Variants in CSMD2 observed in about 807,000 individuals in gnomAD.
CSMD2 encodes CUB and sushi domain-containing protein 2.
Under a neutral mutation model 398.5 loss-of-function variants are expected in CSMD2, and 130 were observed. That is an observed-to-expected ratio of 0.33 (90% CI 0.28 to 0.38). CSMD2 has a LOEUF of 0.38. Among genes scored for constraint, CSMD2 ranks in the 10% least tolerant of loss-of-function variants. CSMD2 has a pLI of 1.00. For synonymous variants in CSMD2, 1,828 were observed against 1,908.5 expected (o/e 0.96, Z 1.10); for missense variants, 3,829 against 4,764.9 (o/e 0.80, Z 5.78).
chr1:33,572,655 C>T lies in CSMD2; in HGVS notation c.7613G>A (p.Gly2538Glu). The T allele has an allele frequency of 6.2e-7, 1 of 1,613,396 alleles. No homozygotes were observed. Among genetic ancestry groups the T allele is most frequent in the Non-Finnish European group, 8.5e-7 (1 of 1,179,530 alleles). The change falls in exon 50 of 71, where the codon GGA becomes GAA. Residue 2538 changes from glycine (G) to glutamate (E), a missense_variant. Coordinates refer to ENST00000373381, the MANE Select transcript of CSMD2 (RefSeq NM_001281956.2). ...TGTGTACTCCTTGCCAAACACCATT[C>T]CATTCTTGGGGGCCTCAGGAAGCCC... is the stretch of plus-strand genomic sequence containing the variant. ...SCGLPEAPKNGMVFGKEYTVG... is the reference protein window; with the variant it reads ...SCGLPEAPKNEMVFGKEYTVG...
chr1:33,575,213 G>A (rs1434870786), intron 49 of CSMD2, among the ~76,000 whole-genome samples: 13 of 152,128 alleles, frequency 8.5e-5, no homozygotes. Context: ...ACAGGTGAGA[G>A]AGTGGGCTGG....
intron 44 of CSMD2, among the ~76,000 whole-genome samples, chr1:33,593,224 T>A (rs937800947): frequency 3.3e-5 from 5 of 152,252 alleles, no homozygotes; most frequent in Non-Finnish European, 7.3e-5. Context: ...CTGTTGTTGT[T>A]TATGTTTGCC....
intron 1 of CSMD2, among the ~76,000 whole-genome samples, chr1:34,094,715 T>G (rs1015517407): frequency 4.6e-5 from 7 of 152,218 alleles, no homozygotes; most frequent in African/African-American, 1.7e-4. Flanking sequence ...CTAACTATCC[T>G]AAACATATAT....
rs199799337 is a variant in CSMD2, at chr1:33,850,232, C to CAT, written c.921-3237_921-3236insAT. ...CTTTCACCCTGAGTGTGCACGCACA[C>CAT]ACACACACACACAGTTCTCCCGTCA... On this transcript the variant is annotated intron_variant, in intron 5 of 70. Coordinates refer to ENST00000373381, the MANE Select transcript of CSMD2 (RefSeq NM_001281956.2). Among the ~76,000 whole-genome samples the CAT allele has an allele frequency of 2.1e-3, 326 of 152,268 alleles. 2 individuals are homozygous for CAT. The highest frequency in any genetic ancestry group is 7.2e-3 in the African/African-American group (299 of 41,552).
chr1:33,762,747 G>A (rs1450603046), intron 13 of CSMD2, among the ~76,000 whole-genome samples: 1 of 152,138 alleles, frequency 6.6e-6, no homozygotes, highest in African/African-American at 2.4e-5. Flanking sequence ...CAATAATTCA[G>A]AGACTGCTTT....
chr1:33,571,601 C>A lies in CSMD2; in HGVS notation c.7888G>T (p.Gly2630Cys). 6.3e-7 allele frequency: 1 copy of A among 1,577,950 alleles called. No homozygotes were observed. Among genetic ancestry groups the A allele is most frequent in the South Asian group, 1.2e-5 (1 of 84,824 alleles). ...GCCTGACAGCGGATGACCCTTTGGCCAGTATAGTAGTAGCCAGGGTCACAG... is the reference window on the plus strand; with the variant it reads ...GCCTGACAGCGGATGACCCTTTGGCAAGTATAGTAGTAGCCAGGGTCACAG... ...LICDPGYYYT[G>C]QRVIRCQANG... is the part of the protein sequence containing the mutation. The change falls in exon 51 of 71, where the codon GGC becomes TGC. Residue 2630 changes from glycine (G) to cysteine (C), a missense_variant. By Grantham distance (159) the Gly-to-Cys change is radical. Around this residue, in one of 5 missense-constraint regions of CSMD2, gnomAD observed 723 missense variants for 758.6 expected, o/e 0.95. Transcript: ENST00000373381.
chr1:33,807,650 T>G (rs1274168905), intron 10 of CSMD2, among the ~76,000 whole-genome samples: 1 of 152,118 alleles, frequency 6.6e-6, no homozygotes, highest in African/African-American at 2.4e-5. Context: ...CCATAGAGTA[T>G]GAATTGGAAG....
At chr1:33,735,378 A>T (rs749558224) in intron 15 of CSMD2, among the ~76,000 whole-genome samples, 2 of 152,172 alleles carry the variant, frequency 1.3e-5, no homozygotes, top group African/African-American at 4.8e-5. Context: ...CTTTAAAGAG[A>T]CAAGGAAGAG....
chr1:33,610,903 T>C, intron 41 of CSMD2, 138 bp downstream of exon 41: 1 of 751,096 alleles, frequency 1.3e-6, no homozygotes. Flanking sequence ...AAAAGGAAGC[T>C]TCCCTGACTG....
At chr1:34,156,884 G>C (rs1345027665) in intron 1 of CSMD2, among the ~76,000 whole-genome samples, 3 of 152,166 alleles carry the variant, frequency 2.0e-5, no homozygotes, top group Non-Finnish European at 4.4e-5. Context: ...ACACAAACAG[G>C]TGGAAAGTAA....
chr1:34,086,053 G>A (rs1303936958), intron 2 of CSMD2, among the ~76,000 whole-genome samples: 6 of 148,106 alleles, frequency 4.1e-5, no homozygotes, highest in African/African-American at 7.5e-5. Flanking sequence ...AGAAAACCAA[G>A]TGTCAGAAAA....
intron 3 of CSMD2, among the ~76,000 whole-genome samples, chr1:33,985,822 G>C (rs1294112213): frequency 6.6e-6 from 1 of 152,030 alleles, no homozygotes; most frequent in East Asian, 1.9e-4. Flanking sequence ...TCTATAGAGC[G>C]GAGGCCTGGA....
At chr1:34,142,299 G>A (rs1006124936) in intron 1 of CSMD2, among the ~76,000 whole-genome samples, 3 of 152,038 alleles carry the variant, frequency 2.0e-5, no homozygotes, top group Admixed American at 1.3e-4. Flanking sequence ...AGAGATGAAC[G>A]GTCTGCAGGA....
At chr1:34,060,028 C>T (rs1037625177) in intron 2 of CSMD2, among the ~76,000 whole-genome samples, 10 of 152,314 alleles carry the variant, frequency 6.6e-5, no homozygotes, top group Admixed American at 1.3e-4. Flanking sequence ...GATTTCATCA[C>T]ATTTGTGACC....
intron 5 of CSMD2, among the ~76,000 whole-genome samples, chr1:33,875,814 G>A (rs921755450): frequency 3.3e-5 from 5 of 152,198 alleles, no homozygotes; most frequent in African/African-American, 4.8e-5. Flanking sequence ...GTGGAGGGAG[G>A]GGGGCTGTTA....
chr1:33,916,805 C>G (rs887070101), intron 5 of CSMD2, among the ~76,000 whole-genome samples: 1 of 152,102 alleles, frequency 6.6e-6, no homozygotes, highest in Non-Finnish European at 1.5e-5. Context: ...ATGGGTTTGT[C>G]TGATTTTCTT....
At chr1:33,748,840 G>A (rs1171168895) in intron 13 of CSMD2, among the ~76,000 whole-genome samples, 1 of 152,056 alleles carries the variant, frequency 6.6e-6, no homozygotes, top group African/African-American at 2.4e-5. Context: ...TTCAAACAAG[G>A]AATGCAAACT....
intron 1 of CSMD2, among the ~76,000 whole-genome samples, chr1:34,096,457 G>A (rs992651669): frequency 1.3e-5 from 2 of 151,038 alleles, no homozygotes; most frequent in African/African-American, 4.9e-5. Context: ...ATTAGGAAAA[G>A]AGGAAGTCAA....
In CSMD2 at chr1:33,622,252, A is replaced by T. The variant is rs958342047; in HGVS notation, c.5742T>A (p.Leu1914=). The change falls in exon 37 of 71, where the codon CTT becomes CTA. Residue 1914 remains leucine, a synonymous_variant. Transcript: ENST00000373381. Reference sequence around the variant, plus strand: ...AGAGCTGGTTGGAGGTGCTGTTCAGAAGGGCAGGCACGGTTGTTCCTAGGG... The same window carrying T: ...AGAGCTGGTTGGAGGTGCTGTTCAGTAGGGCAGGCACGGTTGTTCCTAGGG... The part of the protein sequence containing the change: ...GSFSGTTVPA[L]LNSTSNQLYL... 6 of 1,613,984 alleles carry T rather than the reference A, an allele frequency of 3.7e-6. No individual in the cohort carries two copies. The highest frequency in any genetic ancestry group is 5.1e-6 in the Non-Finnish European group (6 of 1,179,904).
Sources: gnomAD v4.1 joint callset for allele counts (sites outside exome capture counted in the v4.1 genomes callset) on GRCh38, gnomAD v4.1.1 for gene constraint, gnomAD v4.1.1 regional missense constraint, MANE v1.5 for transcripts, NCBI Gene and HGNC (gene_info 2026-07-23, HGNC 2026-07-21) for gene names.